Variants in FBXO16 observed in about 807,000 individuals in gnomAD.
FBXO16 encodes F-box protein 16, also known as F-box only protein 16.
Under a neutral mutation model 41.0 loss-of-function variants are expected in FBXO16, and 31 were observed. That is an observed-to-expected ratio of 0.76 (90% confidence interval 0.57 to 1.02). The LOEUF (loss-of-function observed/expected upper bound fraction) is 1.02. Among genes scored for constraint, FBXO16 ranks in the 50% least tolerant of loss-of-function variants. The pLI is 0.00. For synonymous variants in FBXO16, 133 were observed against 117.8 expected, an observed-to-expected ratio of 1.13 and a Z score of -0.84; for missense variants, 361 against 346.2, an observed-to-expected ratio of 1.04 and a Z score of -0.34.
In FBXO16 at chr8:28,428,731, G is replaced by A; in HGVS notation, c.875C>T (p.Pro292Leu). 2 of 1,547,520 alleles carry A rather than the reference G, an allele frequency of 1.3e-6. No homozygotes were observed. The highest frequency in any genetic ancestry group is 1.7e-6 in the Non-Finnish European group (2 of 1,150,914). Residue 292 changes from proline (P) to leucine (L), a missense_variant, in exon 9 of 9, where the codon CCC (proline) becomes CTC (leucine). Transcript: ENST00000380254. ...CTTTTAGGGGAGAGCTGGCACTTAG[G>A]GACATCTAGAAAGGAAAAAGGAATC... ...MSRRNPFPLC[P>L]
At chr8:28,444,111 T>C (rs1802822899) in intron 7 of FBXO16, among the ~76,000 whole-genome samples, 1 of 152,080 alleles carries the variant, frequency 6.6e-6, no homozygotes, top group Non-Finnish European at 1.5e-5. Flanking sequence ...CCAGACCCTT[T>C]CTGGTAACAT....
At chr8:28,432,239 C>T (rs904471904) in intron 7 of FBXO16, among the ~76,000 whole-genome samples, 6 of 151,506 alleles carry the variant, frequency 4.0e-5, no homozygotes, top group East Asian at 3.9e-4. Context: ...TTTGGGAGGC[C>T]GATGTGGGCG....
chr8:28,452,912 A>G (rs973636822), intron 5 of FBXO16, among the ~76,000 whole-genome samples: 2 of 132,656 alleles, frequency 1.5e-5, no homozygotes, highest in Non-Finnish European at 3.3e-5. Flanking sequence ...GGATAAAAAA[A>G]TAAAAAAAAA....
At chr8:28,440,146 A>T (rs1473531441) in intron 7 of FBXO16, among the ~76,000 whole-genome samples, 1 of 152,064 alleles carries the variant, frequency 6.6e-6, no homozygotes, top group Non-Finnish European at 1.5e-5. Flanking sequence ...TCTGTCACCC[A>T]GGCTGGAATG....
chr8:28,448,547 T>C lies in FBXO16; in HGVS notation c.741-1274A>G, dbSNP rs896239242. On this transcript the variant is annotated intron_variant, in intron 6 of 8. Transcript: ENST00000380254. ...TCTGAAAAGCAAAATGAAACAAATA[T>C]ATATCTATTGAGTTGGTGGCATTAC... Among the ~76,000 whole-genome samples the C allele has an allele frequency of 6.6e-5, 10 of 152,198 alleles. No homozygotes were observed. In the South Asian group the frequency reaches 1.0e-3, roughly 16 times the overall value.
chr8:28,480,588 C>T (rs148145889), intron 2 of FBXO16, among the ~76,000 whole-genome samples: 1,585 of 152,108 alleles, frequency 0.01, 26 homozygotes, highest in African/African-American at 0.036. Context: ...ACTGCAACCT[C>T]CACCTCCTGG....
chr8:28,431,867 A>G (rs1329019865), intron 7 of FBXO16, among the ~76,000 whole-genome samples: 1 of 152,166 alleles, frequency 6.6e-6, no homozygotes, highest in Admixed American at 6.5e-5. Context: ...ATATTCAAAA[A>G]TTACAAAAGC....
chr8:28,464,969 A>G lies in FBXO16; in HGVS notation c.136-1151T>C, dbSNP rs530153719. On this transcript the variant is annotated intron_variant, in intron 3 of 8. Coordinates refer to ENST00000380254, the MANE Select transcript of FBXO16 (RefSeq NM_172366.4). The stretch of plus-strand genomic sequence containing the variant: ...GCCCGGCTATAAACAGAATTTTATA[A>G]TCTGTTTATAATTATTTTAGTCATA... 1.6e-3 allele frequency among the ~76,000 whole-genome samples: 243 copies of G among 152,316 alleles called. 2 individuals are homozygous for G. Among genetic ancestry groups the G allele is most frequent in the African/African-American group, 5.6e-3 (232 of 41,564 alleles).
chr8:28,478,768 G>A (rs1367159275), intron 2 of FBXO16, among the ~76,000 whole-genome samples: 1 of 148,886 alleles, frequency 6.7e-6, no homozygotes, highest in Non-Finnish European at 1.5e-5. Context: ...GTTGCAGTGA[G>A]CCGAGATCAC....
At chr8:28,473,533 A>G (rs1169417797) in intron 3 of FBXO16, among the ~76,000 whole-genome samples, 1 of 152,194 alleles carries the variant, frequency 6.6e-6, no homozygotes, top group Non-Finnish European at 1.5e-5. Context: ...CACAGTGAGG[A>G]GGTGGCTGTC....
intron 6 of FBXO16, 133 bp from the exon 7 acceptor site, chr8:28,447,406 C>A: frequency 1.4e-6 from 1 of 717,330 alleles, no homozygotes; most frequent in Non-Finnish European, 2.3e-6. Flanking sequence ...TGGAAATAAG[C>A]CAAATGTCTA....
chr8:28,460,423 ATTTT>A (rs1174276709), intron 4 of FBXO16, among the ~76,000 whole-genome samples: 4 of 82,492 alleles, frequency 4.8e-5, no homozygotes, highest in East Asian at 4.4e-4. Context: ...TACCTGGCTA[ATTTT>A]TTTTTTTTTT....
intron 5 of FBXO16, among the ~76,000 whole-genome samples, chr8:28,453,834 CTA>C (rs1802993827): frequency 6.6e-6 from 1 of 151,972 alleles, no homozygotes; most frequent in Admixed American, 6.5e-5. Context: ...TGGGATCTTT[CTA>C]TGTTTAGCAA....
intron 7 of FBXO16, among the ~76,000 whole-genome samples, chr8:28,433,551 G>A (rs532046749): frequency 5.3e-5 from 8 of 152,292 alleles, no homozygotes; most frequent in East Asian, 1.9e-4. Context: ...CAAGATTCCC[G>A]GGACTTTTCC....
At chr8:28,456,973 C>T (rs774861858) in intron 4 of FBXO16, 43 bp from the exon 5 acceptor site, 2 of 1,587,894 alleles carry the variant, frequency 1.3e-6, no homozygotes, top group Non-Finnish European at 1.7e-6. Context: ...ATCAAACAAC[C>T]CCTTCAGTTT....
At chr8:28,482,737 AT>A (rs11318171) in intron 2 of FBXO16, among the ~76,000 whole-genome samples, 35,556 of 145,810 alleles carry the variant, frequency 0.24, 4,365 homozygotes, top group Middle Eastern at 0.31. Context: ...CGCCCAGCTA[AT>A]TTTTTTTTTT....
intron 2 of FBXO16, among the ~76,000 whole-genome samples, chr8:28,480,929 A>C (rs1803500601): frequency 6.6e-6 from 1 of 152,244 alleles, no homozygotes; most frequent in Non-Finnish European, 1.5e-5. Context: ...TGATGAGAGC[A>C]AAGAAAAGGA....
intron 3 of FBXO16, among the ~76,000 whole-genome samples, chr8:28,468,847 T>C (rs1803285834): frequency 7.7e-6 from 1 of 130,536 alleles, no homozygotes; most frequent in African/African-American, 2.7e-5. Flanking sequence ...GACTCCATCT[T>C]GAAAAAAAAA....
chr8:28,475,083 T>C (rs1803403661), intron 2 of FBXO16, among the ~76,000 whole-genome samples: 1 of 152,206 alleles, frequency 6.6e-6, no homozygotes, highest in East Asian at 1.9e-4. Flanking sequence ...GATTGATGTT[T>C]TTCCCTCCTC....
Sources: allele counts gnomAD v4.1 joint callset (sites outside exome capture counted in the v4.1 genomes callset), GRCh38; gene constraint gnomAD v4.1.1; transcripts MANE v1.5; gene names NCBI Gene and HGNC (gene_info 2026-07-23, HGNC 2026-07-21).